The following TRDN variants were observed in gnomAD, a reference collection of about 807,000 sequenced individuals.
TRDN encodes triadin.
TRDN carries 161 observed loss-of-function variants against 149.7 expected under a neutral mutation model. That is an observed-to-expected ratio of 1.08 (90% CI 0.95 to 1.23). The LOEUF (loss-of-function observed/expected upper bound fraction) is 1.23, where lower values mean the gene tolerates loss of function less well. Ranked by LOEUF, TRDN falls within the 50% of genes most tolerant of loss-of-function variation. The pLI, the probability that TRDN is intolerant of heterozygous loss-of-function variation, is 0.00. For missense variants in TRDN, 896 were observed against 823.5 expected, an observed-to-expected ratio of 1.09 and a Z score of -1.08; for synonymous variants, 294 against 250.5, an observed-to-expected ratio of 1.17 and a Z score of -1.64.
At chr6:123,395,184 A>C (rs1772670504) in intron 12 of TRDN, among the ~76,000 whole-genome samples, 1 of 152,174 alleles carries the variant, frequency 6.6e-6, no homozygotes, top group African/African-American at 2.4e-5. Context: ...ATTTGCAAAA[A>C]TTTGCAGCCA....
At chr6:123,476,017 C>T (rs1777453529) in intron 9 of TRDN, among the ~76,000 whole-genome samples, 1 of 131,466 alleles carries the variant, frequency 7.6e-6, no homozygotes, top group African/African-American at 2.9e-5. Flanking sequence ...GATGCCCTCT[C>T]TCACCACTCC....
At chr6:123,441,385 A>G (rs1347564953) in intron 10 of TRDN, among the ~76,000 whole-genome samples, 1 of 152,158 alleles carries the variant, frequency 6.6e-6, no homozygotes, top group East Asian at 1.9e-4. Flanking sequence ...TAACAGCTAG[A>G]GAAGAATTAG....
intron 26 of TRDN, among the ~76,000 whole-genome samples, chr6:123,275,045 G>A (rs1032999561): frequency 3.9e-5 from 6 of 151,952 alleles, no homozygotes; most frequent in Non-Finnish European, 7.4e-5. Context: ...GTCAACATAA[G>A]ATAAATTATT....
intron 1 of TRDN, among the ~76,000 whole-genome samples, chr6:123,572,936 A>G (rs1310741328): frequency 1.3e-5 from 2 of 152,146 alleles, no homozygotes; most frequent in East Asian, 1.9e-4. Context: ...CCAACTGGAA[A>G]GAGTAGCTGT....
chr6:123,567,535 TA>T (rs1782354374), intron 2 of TRDN, among the ~76,000 whole-genome samples: 1 of 152,036 alleles, frequency 6.6e-6, no homozygotes, highest in African/African-American at 2.4e-5. Context: ...CAGCTTCTGG[TA>T]AGGCTTCAGG....
intron 11 of TRDN, among the ~76,000 whole-genome samples, chr6:123,438,545 A>AAT (rs1046917335): frequency 2.0e-4 from 31 of 151,806 alleles, no homozygotes; most frequent in Non-Finnish European, 1.5e-4. Flanking sequence ...AACCAATTAA[A>AAT]ATATATATAT....
At chr6:123,335,683 G>A (rs1034597009) in intron 22 of TRDN, among the ~76,000 whole-genome samples, 1 of 151,938 alleles carries the variant, frequency 6.6e-6, no homozygotes, top group African/African-American at 2.4e-5. Context: ...TGCCCAAAGT[G>A]TAGCTTTGGA....
At chr6:123,349,871 G>C (rs1780389801) in intron 21 of TRDN, 1 of 985,238 alleles carries the variant, frequency 1.0e-6, no homozygotes, top group South Asian at 4.7e-5. Context: ...TACAAAGCTT[G>C]CAATAGCACT....
chr6:123,558,472 G>A (rs913761421), intron 2 of TRDN, among the ~76,000 whole-genome samples: 2 of 152,178 alleles, frequency 1.3e-5, no homozygotes, highest in East Asian at 3.9e-4. Context: ...TAAAAGCATA[G>A]TCAAGGTTAA....
chr6:123,581,393 G>A (rs1419615150), intron 1 of TRDN, among the ~76,000 whole-genome samples: 1 of 152,088 alleles, frequency 6.6e-6, no homozygotes, highest in Non-Finnish European at 1.5e-5. Context: ...TCTTCAACAA[G>A]GCCCTAGGTA....
chr6:123,576,685 A>G (rs1782875923), intron 1 of TRDN, among the ~76,000 whole-genome samples: 1 of 151,998 alleles, frequency 6.6e-6, no homozygotes, highest in Non-Finnish European at 1.5e-5. Context: ...CTTAGGAATG[A>G]GGATTTCAAT....
chr6:123,514,419 A>T (rs1416769164), intron 6 of TRDN, among the ~76,000 whole-genome samples: 2 of 152,124 alleles, frequency 1.3e-5, no homozygotes, highest in African/African-American at 4.8e-5. Context: ...TTAATTCTTG[A>T]ATGAAGATTC....
chr6:123,366,123 A>T lies in TRDN; in HGVS notation c.1321+12T>A. 1 of 1,608,302 alleles carries T rather than the reference A, an allele frequency of 6.2e-7. No homozygotes were observed. The highest frequency in any genetic ancestry group is 8.5e-7 in the Non-Finnish European group (1 of 1,175,394). On this transcript the variant is annotated intron_variant, in intron 20 of 40. Coordinates refer to ENST00000334268, the MANE Select transcript of TRDN (RefSeq NM_006073.4). ...TATAGTTATGACATCTTTATCTTTA[A>T]GCTGCATTTACCTTTTTTAATTGAA... is the stretch of plus-strand genomic sequence containing the variant.
chr6:123,442,595 G>A (rs1774988936), intron 10 of TRDN, among the ~76,000 whole-genome samples: 1 of 150,916 alleles, frequency 6.6e-6, no homozygotes, highest in South Asian at 2.1e-4. Flanking sequence ...GCTTACTTGT[G>A]AGAAATGGAG....
chr6:123,540,064 C>T (rs1453190463), intron 4 of TRDN, among the ~76,000 whole-genome samples: 1 of 152,146 alleles, frequency 6.6e-6, no homozygotes, highest in Non-Finnish European at 1.5e-5. Flanking sequence ...TCCAGTATTC[C>T]TGATAATATT....
At chr6:123,287,752 A>G (rs1006424669) in intron 24 of TRDN, among the ~76,000 whole-genome samples, 32 of 152,108 alleles carry the variant, frequency 2.1e-4, no homozygotes, top group African/African-American at 7.5e-4. Flanking sequence ...AATATATGAT[A>G]TGAAATCAAA....
chr6:123,372,730 T>A (rs540445903), intron 19 of TRDN, among the ~76,000 whole-genome samples: 1 of 152,318 alleles, frequency 6.6e-6, no homozygotes, highest in East Asian at 1.9e-4. Context: ...AGATTCACCA[T>A]ATATACAGTG....
intron 10 of TRDN, among the ~76,000 whole-genome samples, chr6:123,446,194 C>T (rs1261261950): frequency 1.4e-5 from 2 of 147,096 alleles, no homozygotes; most frequent in Non-Finnish European, 3.0e-5. Flanking sequence ...AATGAGATCA[C>T]ATGGACACAG....
intron 21 of TRDN, chr6:123,350,792 G>T: frequency 2.0e-6 from 2 of 979,064 alleles, no homozygotes; most frequent in Non-Finnish European, 2.4e-6. Context: ...TATAAAAATA[G>T]CCATTGAAAG....
Sources: gnomAD v4.1 joint callset for allele counts (sites outside exome capture counted in the v4.1 genomes callset) on GRCh38, gnomAD v4.1.1 for gene constraint, MANE v1.5 for transcripts, NCBI Gene and HGNC (gene_info 2026-07-23, HGNC 2026-07-21) for gene names.